Variants in KIAA1671 observed in about 807,000 individuals in gnomAD.
The protein encoded by KIAA1671 is KIAA1671.
In KIAA1671, 52 loss-of-function variants were observed where a neutral mutation model predicts 131.2. That is an observed-to-expected ratio of 0.40 (90% CI 0.32 to 0.50). The LOEUF is 0.50. Among genes scored for constraint, KIAA1671 ranks in the 20% least tolerant of loss-of-function variants. The pLI, the probability that KIAA1671 is intolerant of heterozygous loss-of-function variation, is 0.73. For synonymous variants in KIAA1671, 1,003 were observed against 961.6 expected, an observed-to-expected ratio of 1.04 and a Z score of -0.80; for missense variants, 2,360 against 2,364.2, an observed-to-expected ratio of 1.00 and a Z score of 0.04.
At position 25,039,734 on chromosome 22, in the gene KIAA1671, A is replaced by G; in HGVS notation, c.2604A>G (p.Arg868=). The change falls in exon 5 of 13, where the codon AGA becomes AGG. Residue 868 remains arginine (R), a synonymous_variant. Transcript: ENST00000358431. ...AGCATGAGGGGCCAGAGGGGGCCAG[A>G]AGCAAGCCAGGAGTGGGAGCAAGGG... ...ESQHEGPEGA[R]SKPGVGARGP... The G allele has an allele frequency of 6.7e-7, 1 of 1,502,122 alleles. No individual in the cohort carries two copies. Among genetic ancestry groups the G allele is most frequent in the Non-Finnish European group, 8.9e-7 (1 of 1,120,230 alleles). The allele number at this position is 1,502,122 out of a possible 1,614,324, so 93.0% of individuals were successfully genotyped here.
intron 2 of KIAA1671, among the ~76,000 whole-genome samples, chr22:25,026,052 C>G (rs971169925): frequency 7.2e-5 from 11 of 152,198 alleles, no homozygotes; most frequent in African/African-American, 2.2e-4. Flanking sequence ...GGAAATTCTC[C>G]AATTCTCAGA....
chr22:25,110,232 T>C (rs2145911309), intron 6 of KIAA1671: 1 of 152,360 alleles, frequency 6.6e-6, no homozygotes, highest in Admixed American at 6.5e-5. Context: ...CAGAGAGTCC[T>C]TTGTGATAAA....
intron 1 of KIAA1671, among the ~76,000 whole-genome samples, chr22:25,018,238 TC>T (rs1265548006): frequency 1.8e-4 from 28 of 152,106 alleles, no homozygotes; most frequent in Admixed American, 1.6e-3. Flanking sequence ...CCCACCGCAT[TC>T]CCTGTCCAGG....
intron 6 of KIAA1671, among the ~76,000 whole-genome samples, chr22:25,067,438 T>G (rs1287897080): frequency 6.6e-6 from 1 of 152,130 alleles, no homozygotes; most frequent in Non-Finnish European, 1.5e-5. Context: ...TCCCTTGCCC[T>G]GCCTGTCGCT....
intron 6 of KIAA1671, among the ~76,000 whole-genome samples, chr22:25,117,581 C>G (rs1931728053): frequency 9.3e-6 from 1 of 107,700 alleles, no homozygotes; most frequent in Non-Finnish European, 1.9e-5. Context: ...AGCATCTCCC[C>G]CAACCACACA....
chr22:25,181,845 G>A (rs374148398), intron 10 of KIAA1671, 22 bp downstream of exon 10: 6 of 1,548,684 alleles, frequency 3.9e-6, no homozygotes, highest in East Asian at 4.9e-5. Context: ...CTCACCAAGA[G>A]TCACCTGGTG....
At chr22:25,079,938 G>A (rs1929318382) in intron 6 of KIAA1671, among the ~76,000 whole-genome samples, 1 of 152,128 alleles carries the variant, frequency 6.6e-6, no homozygotes, top group African/African-American at 2.4e-5. Flanking sequence ...GGGAGATGAT[G>A]GCCGCTCAGA....
At chr22:25,141,451 C>G (rs1404410566) in intron 6 of KIAA1671, among the ~76,000 whole-genome samples, 2 of 151,500 alleles carry the variant, frequency 1.3e-5, no homozygotes, top group African/African-American at 4.9e-5. Context: ...CCAGGATGGT[C>G]TCAATCTCCT....
chr22:25,115,896 C>T (rs1931629134), intron 6 of KIAA1671, among the ~76,000 whole-genome samples: 1 of 152,134 alleles, frequency 6.6e-6, no homozygotes. Context: ...CCTGCCTCAG[C>T]CTCCCCAGTA....
At chr22:24,987,489 T>C (rs1193984693) in intron 1 of KIAA1671, among the ~76,000 whole-genome samples, 1 of 151,980 alleles carries the variant, frequency 6.6e-6, no homozygotes, top group Non-Finnish European at 1.5e-5. Context: ...TTTTTTGAGA[T>C]GGAGTCTCAC....
At chr22:24,973,487 C>T (rs910824508) in intron 1 of KIAA1671, among the ~76,000 whole-genome samples, 4 of 149,698 alleles carry the variant, frequency 2.7e-5, no homozygotes, top group South Asian at 2.1e-4. Context: ...CAACCTCCAC[C>T]TCCCGGTTCA....
intron 6 of KIAA1671, among the ~76,000 whole-genome samples, chr22:25,072,741 T>G (rs1370218928): frequency 6.6e-6 from 1 of 152,136 alleles, no homozygotes; most frequent in Non-Finnish European, 1.5e-5. Context: ...CTGATTTGCT[T>G]CTTGGGGCAA....
intron 3 of KIAA1671, among the ~76,000 whole-genome samples, chr22:25,030,295 G>A (rs1442070280): frequency 1.3e-5 from 2 of 152,056 alleles, no homozygotes; most frequent in Non-Finnish European, 2.9e-5. Context: ...CCAGCACTTC[G>A]GGAGGCCGAG....
At position 24,988,066 on chromosome 22, in the gene KIAA1671, AAGAGTTCG is replaced by A. The variant is rs531840745; in HGVS notation, c.-208+35298_-208+35305del. On this transcript the variant is annotated intron_variant, in intron 1 of 12. Coordinates refer to ENST00000358431, the MANE Select transcript of KIAA1671 (RefSeq NM_001145206.2). ...CGAGGCGGGTGGATCACCTGAGGTCAAGAGTTCGAGACCAGCTTGGCTAACATGGTGAA... is the reference window on the plus strand; with the variant it reads ...CGAGGCGGGTGGATCACCTGAGGTCAAGACCAGCTTGGCTAACATGGTGAA... 2.1e-3 allele frequency among the ~76,000 whole-genome samples: 327 copies of A among 152,234 alleles called. 1 individual carries two copies. Among genetic ancestry groups the A allele is most frequent in the African/African-American group, 7.7e-3 (321 of 41,538 alleles).
At chr22:25,062,841 A>ACCCGCCC (rs1555874918) in intron 6 of KIAA1671, 1 of 12,080 alleles carries the variant, frequency 8.3e-5, no homozygotes, top group Non-Finnish European at 1.7e-4. Flanking sequence ...GCCACCCGCC[A>ACCCGCCC]CTCCCTAGTT....
At chr22:25,173,692 C>T (rs1407456366) in intron 7 of KIAA1671, among the ~76,000 whole-genome samples, 1 of 152,178 alleles carries the variant, frequency 6.6e-6, no homozygotes, top group Non-Finnish European at 1.5e-5. Flanking sequence ...CTGGTAGCTA[C>T]ACCAAAAGAA....
chr22:25,036,953 C>G (rs1486982070), intron 4 of KIAA1671, among the ~76,000 whole-genome samples: 1 of 151,634 alleles, frequency 6.6e-6, no homozygotes, highest in Non-Finnish European at 1.5e-5. Flanking sequence ...ATAAAAAAAG[C>G]TTTGAACTTT....
intron 3 of KIAA1671, among the ~76,000 whole-genome samples, chr22:25,031,038 T>A (rs944587783): frequency 4.6e-5 from 7 of 152,098 alleles, no homozygotes; most frequent in African/African-American, 1.4e-4. Context: ...TTTTATTTTT[T>A]ATTTTTATTT....
intron 1 of KIAA1671, among the ~76,000 whole-genome samples, chr22:24,960,695 AG>A (rs1441863031): frequency 8.8e-6 from 1 of 113,750 alleles, no homozygotes; most frequent in African/African-American, 3.6e-5. Flanking sequence ...CGAGTGCCGC[AG>A]TTAACATCCC....
Sources: gnomAD v4.1 joint callset for allele counts (sites outside exome capture counted in the v4.1 genomes callset) on GRCh38, gnomAD v4.1.1 for gene constraint, MANE v1.5 for transcripts, NCBI Gene and HGNC (gene_info 2026-07-23, HGNC 2026-07-21) for gene names.